SH3BP5: variants seen among roughly 807,000 people sequenced by gnomAD.
SH3BP5 encodes the protein SH3 domain-binding protein 5.
Under a neutral mutation model 43.3 loss-of-function variants are expected in SH3BP5, and 22 were observed. The ratio of observed to expected loss-of-function variants is 0.51; its 90% confidence interval spans 0.36 to 0.73. SH3BP5 has a LOEUF of 0.73. SH3BP5 is among the 30% of genes least tolerant of loss of function. The pLI is 0.00. For missense variants in SH3BP5, 529 were observed against 586.9 expected, an observed-to-expected ratio of 0.90 and a Z score of 1.02; for synonymous variants, 255 against 225.8, an observed-to-expected ratio of 1.13 and a Z score of -1.16.
Position 15,339,286 on chromosome 3 carries a change from G to C in SH3BP5, c.-402+1937C>G, listed in dbSNP as rs183339231. 1.1e-4 allele frequency among the ~76,000 whole-genome samples: 17 copies of C among 152,102 alleles called. No homozygotes were observed. The East Asian group carries it at 3.1e-3, about 28-fold the overall frequency. Reference sequence around the variant, plus strand: ...CTAAATTGAATTAAACTTGTCTCTTGACCCAGATGAATTACAGGCCACAGC... The same window carrying C: ...CTAAATTGAATTAAACTTGTCTCTTCACCCAGATGAATTACAGGCCACAGC... On this transcript the variant is annotated intron_variant, in intron 1 of 8. Transcript: ENST00000408919.
intron 2 of SH3BP5, among the ~76,000 whole-genome samples, chr3:15,312,263 C>T (rs1037207634): frequency 2.6e-5 from 4 of 152,086 alleles, no homozygotes; most frequent in African/African-American, 4.8e-5. Context: ...AAAAGACTTG[C>T]GAAAGCATGT....
At chr3:15,259,613 C>T (rs909659377) in intron 6 of SH3BP5, 148 bp downstream of exon 6, 3 of 819,090 alleles carry the variant, frequency 3.7e-6, no homozygotes, top group Non-Finnish European at 6.5e-6. Flanking sequence ...CCAACCGAGA[C>T]AATTTTGAGG....
intron 2 of SH3BP5, among the ~76,000 whole-genome samples, chr3:15,319,454 A>G (rs183069730): frequency 2.6e-5 from 4 of 152,220 alleles, no homozygotes; most frequent in Non-Finnish European, 5.9e-5. Flanking sequence ...CACTGTCTCT[A>G]CATCACCATG....
Position 15,256,281 on chromosome 3 carries a change from C to T in SH3BP5, c.1173G>A (p.Glu391=), listed in dbSNP as rs1373326998. The change falls in exon 9 of 9, where the codon GAG becomes GAA. Residue 391 remains glutamate, a synonymous_variant. Transcript: ENST00000383791. The part of the protein sequence containing the change: ...VERGDRAEGA[E]NKTSDKANNN... ...TGTTGGCTTTGTCACTTGTTTTATT[C>T]TCTGCCCCTTCTGCCCTGTCTCCTA... The T allele has an allele frequency of 6.2e-7, 1 of 1,614,166 alleles. No homozygotes were observed. The highest frequency in any genetic ancestry group is 1.1e-5 in the South Asian group (1 of 91,084).
At chr3:15,265,084 G>A (rs1471716890) in intron 4 of SH3BP5, among the ~76,000 whole-genome samples, 1 of 151,928 alleles carries the variant, frequency 6.6e-6, no homozygotes, top group African/African-American at 2.4e-5. Flanking sequence ...AAAACACTTG[G>A]AAAGCTCCGA....
chr3:15,264,739 T>G (rs1360108377), intron 4 of SH3BP5, among the ~76,000 whole-genome samples: 1 of 152,108 alleles, frequency 6.6e-6, no homozygotes, highest in African/African-American at 2.4e-5. Flanking sequence ...GGAAACAAAA[T>G]GCACTAAAAA....
At chr3:15,308,583 G>GAC (rs756222743) in intron 2 of SH3BP5, among the ~76,000 whole-genome samples, 1 of 152,164 alleles carries the variant, frequency 6.6e-6, no homozygotes, top group African/African-American at 2.4e-5. Flanking sequence ...AGCACGGACG[G>GAC]ACGGGCTGGC....
intron 1 of SH3BP5, among the ~76,000 whole-genome samples, chr3:15,338,324 C>T (rs542784827): frequency 6.6e-6 from 1 of 152,188 alleles, no homozygotes; most frequent in African/African-American, 2.4e-5. Context: ...GCCTGGACAA[C>T]AGATAGGGAC....
At chr3:15,259,991 A>G in intron 5 of SH3BP5, 188 bp from the exon 6 acceptor site, 1 of 621,720 alleles carries the variant, frequency 1.6e-6, no homozygotes, top group East Asian at 2.8e-5. Context: ...CACCAGATGG[A>G]ACGACTGGGC....
chr3:15,333,835 G>A (rs1698668258), upstream of SH3BP5, among the ~76,000 whole-genome samples: 1 of 152,240 alleles, frequency 6.6e-6, no homozygotes, highest in Non-Finnish European at 1.5e-5. Flanking sequence ...AATCAAGGAT[G>A]AGTCAGCAAT....
intron 3 of SH3BP5, among the ~76,000 whole-genome samples, chr3:15,273,753 C>A (rs547844275): frequency 6.6e-6 from 1 of 152,214 alleles, no homozygotes; most frequent in Non-Finnish European, 1.5e-5. Context: ...GCCCTCACTA[C>A]AACTGGTCCC....
At position 15,330,363 on chromosome 3, in the gene SH3BP5, T is replaced by C. The variant is rs375218691; in HGVS notation, c.201+141A>G. 3.9e-5 allele frequency: 28 copies of C among 718,126 alleles called. No individual in the cohort carries two copies. In the East Asian group the frequency reaches 6.2e-4, roughly 16 times the overall value. 44.5% of individuals were successfully genotyped at this position (718,126 alleles called of 1,614,324 possible). A position where few individuals can be genotyped will look rare whatever the true frequency, so the allele number is the denominator to read the frequency against. ...ACAGGTTGAGCTCAGTGGTGTATTT[T>C]ATTCTGTCAGGGAGCTGTTGCTCAA... On this transcript the variant is annotated intron_variant, in intron 2 of 8. Coordinates refer to ENST00000383791, the MANE Select transcript of SH3BP5 (RefSeq NM_004844.5).
chr3:15,284,398 T>G (rs1357908434), intron 3 of SH3BP5, among the ~76,000 whole-genome samples: 1 of 152,228 alleles, frequency 6.6e-6, no homozygotes, highest in Non-Finnish European at 1.5e-5. Flanking sequence ...TCTCACCACC[T>G]GCCCACTTGG....
rs572655675 is a variant in SH3BP5 at position 15,254,498 on chromosome 3, C to G, written c.*1588G>C. 4 of 147,458 alleles carry G rather than the reference C, an allele frequency of 2.7e-5. No homozygotes were observed. The highest frequency in any genetic ancestry group is 1.1e-4 in the African/African-American group (4 of 36,910). 9.1% of individuals were successfully genotyped at this position (147,458 alleles called of 1,614,324 possible). ...CGGGGAGCTTTTAAAAGTCTAATGC[C>G]CCAGTGTACCCCCCCCAGTTAATTA... On this transcript the variant is annotated 3_prime_UTR_variant, in exon 9 of 9. Coordinates refer to ENST00000383791, the MANE Select transcript of SH3BP5 (RefSeq NM_004844.5).
chr3:15,324,907 G>T (rs1302555069), intron 2 of SH3BP5, among the ~76,000 whole-genome samples: 1 of 151,804 alleles, frequency 6.6e-6, no homozygotes, highest in Non-Finnish European at 1.5e-5. Flanking sequence ...GTTTTCAGAG[G>T]GAGGAAAGGC....
rs114009491 is a variant in SH3BP5 at position 15,278,473 on chromosome 3, C to A, written c.331-8596G>T. Among the ~76,000 whole-genome samples, 870 of 152,296 alleles carry A rather than the reference C, an allele frequency of 5.7e-3. 7 individuals are homozygous for A. Among genetic ancestry groups the A allele is most frequent in the African/African-American group, 0.019 (805 of 41,556 alleles). ...GGACTGCCTGAGTCCTTCCAACCTG[C>A]AAGCTGCCCATCCTGCACTCCCCCT... On this transcript the variant is annotated intron_variant, in intron 3 of 8. Coordinates refer to ENST00000383791, the MANE Select transcript of SH3BP5 (RefSeq NM_004844.5).
At chr3:15,304,410 C>T (rs995975813) in intron 2 of SH3BP5, 179 bp from the exon 3 acceptor site, 35 of 935,648 alleles carry the variant, frequency 3.7e-5, no homozygotes, top group Non-Finnish European at 5.0e-5. Flanking sequence ...CCTGCCACGG[C>T]GGAAACGTCC....
chr3:15,279,013 T>C (rs915415476), intron 3 of SH3BP5, among the ~76,000 whole-genome samples: 41 of 151,956 alleles, frequency 2.7e-4, no homozygotes, highest in African/African-American at 9.7e-4. Flanking sequence ...CTAATAAAAA[T>C]ACAAAAATTA....
intron 3 of SH3BP5, among the ~76,000 whole-genome samples, chr3:15,271,362 C>G (rs1696793030): frequency 6.6e-6 from 1 of 151,994 alleles, no homozygotes; most frequent in South Asian, 2.1e-4. Context: ...GCCCCTGCTT[C>G]TTAAATAAAT....
Sources: gnomAD v4.1 joint callset for allele counts (sites outside exome capture counted in the v4.1 genomes callset) on GRCh38, gnomAD v4.1.1 for gene constraint, MANE v1.5 for transcripts, NCBI Gene and HGNC (gene_info 2026-07-23, HGNC 2026-07-21) for gene names.